Variants in MPP1 observed in about 807,000 individuals in gnomAD.
The protein encoded by MPP1 is MAGUK p55 scaffold protein 1.
Under a neutral mutation model 38.2 loss-of-function variants are expected in MPP1, and 6 were observed. That is an observed-to-expected ratio of 0.16 (90% CI 0.09 to 0.31). The LOEUF (loss-of-function observed/expected upper bound fraction) is 0.31, where lower values mean the gene tolerates loss of function less well. MPP1 is among the 10% of genes least tolerant of loss of function. The pLI is 1.00. For synonymous variants in MPP1, 153 were observed against 146.3 expected, an observed-to-expected ratio of 1.05 and a Z score of -0.33; for missense variants, 293 against 368.9, an observed-to-expected ratio of 0.79 and a Z score of 1.69.
intron 3 of MPP1, 159 bp downstream of exon 3, chrX:154,791,610 A>T: frequency 2.2e-6 from 1 of 451,200 alleles, no homozygotes; most frequent in Non-Finnish European, 3.9e-6. Context: ...TCATGTACTG[A>T]TTCTACAGAG....
At position 154,779,172 on chromosome X, in the gene MPP1, C is replaced by G; in HGVS notation, c.*5G>C. 1.7e-6 allele frequency: 2 copies of G among 1,204,513 alleles called. No homozygotes were observed. Among genetic ancestry groups the G allele is most frequent in the Non-Finnish European group, 2.2e-6 (2 of 892,230 alleles). ...GCATACAGTGGGTTCCCCCATTCTA[C>G]AAGCTTAGTAAACCCAGGAGACAGG... On this transcript the variant is annotated 3_prime_UTR_variant, in exon 12 of 12. Transcript: ENST00000369534.
At position 154,792,238 on chromosome X, in the gene MPP1, G is replaced by A. The variant is rs1557267840; in HGVS notation, c.150C>T (p.Asn50=). Residue 50 remains asparagine, a synonymous_variant, in exon 2 of 12, where the codon AAC becomes AAT. Transcript: ENST00000369534. Reference sequence around the variant, plus strand: ...CAGGGCTACCTGGGGCAGGAGACCCGTTGGTGTACATGTCCTCGGTCACAG... The same window carrying A: ...CAGGGCTACCTGGGGCAGGAGACCCATTGGTGTACATGTCCTCGGTCACAG... The part of the protein sequence containing the change: ...LNTVTEDMYT[N]GSPAPGSPAQ... 4.1e-6 allele frequency: 5 copies of A among 1,210,257 alleles called. No homozygotes were observed. In the African/African-American group the frequency reaches 5.2e-5, roughly 13 times the overall value.
chrX:154,784,875 G>A, intron 7 of MPP1, 176 bp downstream of exon 7: 1 of 512,029 alleles, frequency 2.0e-6, no homozygotes, highest in Non-Finnish European at 3.5e-6. Flanking sequence ...TGGCCTGACT[G>A]CAGCAAGCTT....
chrX:154,798,653 C>T (rs924347492), intron 1 of MPP1, among the ~76,000 whole-genome samples: 14 of 112,256 alleles, frequency 1.2e-4, no homozygotes, highest in African/African-American at 4.5e-4. Flanking sequence ...TATAAAGCGA[C>T]AGCAGGAGAG....
chrX:154,778,702 A>G lies in MPP1; in HGVS notation c.*475T>C, dbSNP rs1325595801. The G allele has an allele frequency of 3.4e-5, 4 of 116,034 alleles. No individual in the cohort carries two copies. The highest frequency in any genetic ancestry group is 1.3e-4 in the African/African-American group (4 of 31,267). 9.6% of individuals were successfully genotyped at this position (116,034 alleles called of 1,213,427 possible). A position where few individuals can be genotyped will look rare whatever the true frequency, so the allele number is the denominator to read the frequency against. On this transcript the variant is annotated 3_prime_UTR_variant, in exon 12 of 12. Coordinates refer to ENST00000369534, the MANE Select transcript of MPP1 (RefSeq NM_002436.4). ...AAGGTCATTGGCATTTCAACACAGC[A>G]TTTTTATTGCTTTTGAAGGTTTCCC...
chrX:154,791,747 A>C (rs2072143962), intron 3 of MPP1, 22 bp downstream of exon 3: 1 of 1,186,957 alleles, frequency 8.4e-7, no homozygotes, highest in South Asian at 1.8e-5. Context: ...ATCAAACCCC[A>C]CCCAGAGCTC....
chrX:154,801,320 T>C (rs927147763), intron 1 of MPP1, among the ~76,000 whole-genome samples: 17 of 112,305 alleles, frequency 1.5e-4, no homozygotes, highest in Non-Finnish European at 3.2e-4. Flanking sequence ...TTCCTGGTAT[T>C]CTATTATACT....
At position 154,781,686 on chromosome X, in the gene MPP1, G is replaced by C; in HGVS notation, c.1063C>G (p.Gln355Glu). Residue 355 changes from glutamine to glutamate, a missense_variant, in exon 10 of 12, where the codon CAA becomes GAA. Gln to Glu is a conservative substitution (Grantham distance 29, BLOSUM62 2). Coordinates refer to ENST00000369534, the MANE Select transcript of MPP1 (RefSeq NM_002436.4). ...ANEFLEFGSYQGNMFGTKFET... is the reference protein window; with the variant it reads ...ANEFLEFGSYEGNMFGTKFET... ...AATTTGGTGCCAAACATGTTGCCTT[G>C]GTAGCTGCCAAACTCCAAGAACTCA... is the stretch of plus-strand genomic sequence containing the variant. The C allele has an allele frequency of 8.3e-7, 1 of 1,211,634 alleles. No individual in the cohort carries two copies. The highest frequency in any genetic ancestry group is 2.2e-5 in the Admixed American group (1 of 46,041).
intron 11 of MPP1, among the ~76,000 whole-genome samples, chrX:154,780,814 G>A (rs1367128312): frequency 2.7e-5 from 3 of 112,410 alleles, no homozygotes; most frequent in African/African-American, 9.7e-5. Context: ...GTAGGGCTGG[G>A]CAGAGGAGCA....
At chrX:154,803,768 T>A (rs1699119533) in intron 1 of MPP1, among the ~76,000 whole-genome samples, 1 of 112,312 alleles carries the variant, frequency 8.9e-6, no homozygotes, top group Admixed American at 9.4e-5. Context: ...TATACATCTG[T>A]CAAATGTCAT....
intron 4 of MPP1, among the ~76,000 whole-genome samples, 158 bp downstream of exon 4, chrX:154,790,825 A>C (rs2072134262): frequency 8.9e-6 from 1 of 112,204 alleles, no homozygotes; most frequent in African/African-American, 3.2e-5. Flanking sequence ...TAAAGGCAGA[A>C]AATTATCATT....
intron 3 of MPP1, 77 bp from the exon 4 acceptor site, chrX:154,791,145 T>C: frequency 2.4e-6 from 2 of 845,017 alleles, no homozygotes; most frequent in Non-Finnish European, 3.5e-6. Flanking sequence ...CAAGATACCA[T>C]AGAAGAGAAA....
At position 154,781,787 on chromosome X, in the gene MPP1, G is replaced by A; in HGVS notation, c.962C>T (p.Pro321Leu). The A allele has an allele frequency of 8.3e-7, 1 of 1,211,094 alleles. No individual in the cohort carries two copies. The highest frequency in any genetic ancestry group is 1.1e-6 in the Non-Finnish European group (1 of 895,088). ...CTTCCCATCTTCCTCACTCTTCCTT[G>A]GCGGCCGTGTTGTATCTGTGTACAA... The part of the protein sequence containing the change: ...VYPVPYTTRP[P>L]RKSEEDGKEY... Residue 321 changes from proline to leucine, a missense_variant, in exon 10 of 12, where the codon CCA (proline) becomes CTA (leucine). Physicochemically the swap from Pro to Leu is moderately conservative, Grantham distance 98. Transcript: ENST00000369534.
chrX:154,784,884 T>C, intron 7 of MPP1, 167 bp downstream of exon 7: 1 of 523,865 alleles, frequency 1.9e-6, no homozygotes, highest in Non-Finnish European at 3.4e-6. Flanking sequence ...TGCAGCAAGC[T>C]TGTGAAGATG....
Position 154,781,325 on chromosome X carries a change from A to G in MPP1, c.1150-12T>C, listed in dbSNP as rs781904057. 8.6e-7 allele frequency: 1 copy of G among 1,158,651 alleles called. No individual in the cohort carries two copies. The highest frequency in any genetic ancestry group is 1.9e-5 in the South Asian group (1 of 53,865). On this transcript the variant is annotated splice_polypyrimidine_tract_variant and intron_variant, in intron 10 of 11. Coordinates refer to ENST00000369534, the MANE Select transcript of MPP1 (RefSeq NM_002436.4). ...ACAATTTTCAGGGTCTAGAAAAAAA[A>G]AAGAAGGGCGGCGGGGAGGGGGGGG...
intron 1 of MPP1, 41 bp downstream of exon 1, chrX:154,805,231 G>A (rs1279848202): frequency 1.2e-5 from 14 of 1,141,759 alleles, no homozygotes; most frequent in Non-Finnish European, 1.5e-5. Context: ...GAATGGCCGA[G>A]CCCCGGCCCA....
Position 154,784,030 on chromosome X carries a change from A to G in MPP1, c.863T>C (p.Ile288Thr), listed in dbSNP as rs782285999. The G allele has an allele frequency of 2.5e-6, 3 of 1,208,742 alleles. No homozygotes were observed. The highest frequency in any genetic ancestry group is 3.4e-6 in the Non-Finnish European group (3 of 893,264). Reference sequence around the variant, plus strand: ...CAAATGGGGCAATGAGAAGATACCGATCAGCACCAGGGTCTTCCTCTTGAA... The same window carrying G: ...CAAATGGGGCAATGAGAAGATACCGGTCAGCACCAGGGTCTTCCTCTTGAA... The part of the protein sequence containing the change: ...PAFKRKTLVL[I>T]GASGVGRSHI... Residue 288 changes from isoleucine (I) to threonine (T), a missense_variant and splice_region_variant, in exon 8 of 12, where the codon ATC (isoleucine) becomes ACC (threonine). Coordinates refer to ENST00000369534, the MANE Select transcript of MPP1 (RefSeq NM_002436.4).
At chrX:154,799,224 A>G (rs2072234666) in intron 1 of MPP1, among the ~76,000 whole-genome samples, 1 of 112,345 alleles carries the variant, frequency 8.9e-6, no homozygotes, top group South Asian at 3.7e-4. Flanking sequence ...GATGACTAAG[A>G]GTCACTATCA....
At chrX:154,792,694 G>C (rs1368517920) in intron 1 of MPP1, among the ~76,000 whole-genome samples, 1 of 110,671 alleles carries the variant, frequency 9.0e-6, no homozygotes, top group Non-Finnish European at 1.9e-5. Context: ...CAGGCTCCAA[G>C]GGTTTCTGGC....
Sources: gnomAD v4.1 joint callset for allele counts (sites outside exome capture counted in the v4.1 genomes callset) on GRCh38, gnomAD v4.1.1 for gene constraint, MANE v1.5 for transcripts, NCBI Gene and HGNC (gene_info 2026-07-23, HGNC 2026-07-21) for gene names.